The following LRGUK variants were observed in gnomAD, a reference collection of about 807,000 sequenced individuals.
LRGUK encodes the protein leucine rich repeats and guanylate kinase domain containing.
LRGUK carries 65 observed loss-of-function variants against 76.0 expected under a neutral mutation model. That is an observed-to-expected ratio of 0.85 (90% CI 0.70 to 1.05). The LOEUF (loss-of-function observed/expected upper bound fraction) is 1.05. Among genes scored for constraint, LRGUK ranks in the 50% least tolerant of loss-of-function variants. The probability of loss-of-function intolerance (pLI) is 0.00; values close to 1 mark genes in which losing one functional copy is unlikely to be tolerated. For missense variants in LRGUK, 758 were observed against 732.8 expected (o/e 1.03, Z -0.40); for synonymous variants, 268 against 265.6 (o/e 1.01, Z -0.09).
intron 16 of LRGUK, among the ~76,000 whole-genome samples, chr7:134,228,319 A>G (rs1801811741): frequency 6.6e-6 from 1 of 152,156 alleles, no homozygotes; most frequent in Non-Finnish European, 1.5e-5. Flanking sequence ...TGTCACAGGA[A>G]GCCTACATGA....
At chr7:134,228,669 T>A (rs1232614435) in intron 16 of LRGUK, among the ~76,000 whole-genome samples, 1 of 152,084 alleles carries the variant, frequency 6.6e-6, no homozygotes, top group Non-Finnish European at 1.5e-5. Context: ...AAATTAAAAA[T>A]GAAACTAAAT....
chr7:134,235,640 C>T (rs1397129488), intron 16 of LRGUK, among the ~76,000 whole-genome samples: 1 of 152,244 alleles, frequency 6.6e-6, no homozygotes, highest in East Asian at 1.9e-4. Flanking sequence ...ACTATAAATC[C>T]TCCAAAGGCA....
At chr7:134,161,424 T>A (rs1798727500) in intron 6 of LRGUK, among the ~76,000 whole-genome samples, 1 of 152,018 alleles carries the variant, frequency 6.6e-6, no homozygotes, top group Non-Finnish European at 1.5e-5. Flanking sequence ...TTTTTTTCTA[T>A]TTATTATGAT....
chr7:134,270,027 A>G, the LRGUK span, among the ~76,000 whole-genome samples: 3 of 152,222 alleles, frequency 2.0e-5, no homozygotes, highest in Admixed American at 1.3e-4. Flanking sequence ...CTCTCTGAGA[A>G]TAACAAGGCA....
At chr7:134,225,780 C>G (rs2117163535) in intron 16 of LRGUK, among the ~76,000 whole-genome samples, 1 of 152,276 alleles carries the variant, frequency 6.6e-6, no homozygotes, top group Admixed American at 6.5e-5. Flanking sequence ...AGGTTGTTAA[C>G]CTTTTGCACA....
intron 14 of LRGUK, 60 bp downstream of exon 14, chr7:134,199,481 G>T: frequency 1.4e-6 from 2 of 1,436,510 alleles, no homozygotes; most frequent in Non-Finnish European, 1.9e-6. Context: ...TTAAAAGTTT[G>T]TTTCATGGGG....
At chr7:134,233,549 C>T (rs1009552355) in intron 16 of LRGUK, among the ~76,000 whole-genome samples, 3 of 152,188 alleles carry the variant, frequency 2.0e-5, no homozygotes, top group African/African-American at 7.2e-5. Flanking sequence ...GTATTAGGCA[C>T]TTGCATCCAC....
chr7:134,268,852 C>T (rs1563205992), downstream of LRGUK, among the ~76,000 whole-genome samples: 1 of 125,214 alleles, frequency 8.0e-6, no homozygotes, highest in Non-Finnish European at 1.9e-5. Flanking sequence ...GCCTCAGCCT[C>T]CTGAGTAGCT....
intron 16 of LRGUK, among the ~76,000 whole-genome samples, chr7:134,241,849 A>AAT (rs1802163098): frequency 6.6e-6 from 1 of 152,224 alleles, no homozygotes; most frequent in African/African-American, 2.4e-5. Flanking sequence ...AATTATAACA[A>AAT]ACTGTCTCTC....
downstream of LRGUK, among the ~76,000 whole-genome samples, chr7:134,213,087 G>A (rs1248588286): frequency 6.6e-6 from 1 of 152,146 alleles, no homozygotes; most frequent in African/African-American, 2.4e-5. Context: ...AAGGAACCAC[G>A]TACGCCTAAG....
intron 16 of LRGUK, among the ~76,000 whole-genome samples, chr7:134,233,757 G>A (rs1801953868): frequency 6.6e-6 from 1 of 152,142 alleles, no homozygotes; most frequent in South Asian, 2.1e-4. Flanking sequence ...CCAGAGTCTT[G>A]CTCTGTCACC....
At chr7:134,255,197 C>T (rs1283838036) in intron 18 of LRGUK, among the ~76,000 whole-genome samples, 1 of 150,708 alleles carries the variant, frequency 6.6e-6, no homozygotes, top group Non-Finnish European at 1.5e-5. Context: ...AGTTTCCGTT[C>T]TGGGAATGTG....
At chr7:134,275,212 T>C in the LRGUK span, among the ~76,000 whole-genome samples, 1 of 152,174 alleles carries the variant, frequency 6.6e-6, no homozygotes, top group Non-Finnish European at 1.5e-5. Context: ...TCATCTCCAT[T>C]TTTTTCAAAT....
chr7:134,157,033 A>C (rs1003977207), intron 5 of LRGUK, among the ~76,000 whole-genome samples: 6 of 152,224 alleles, frequency 3.9e-5, no homozygotes, highest in Admixed American at 2.6e-4. Context: ...GATTGAGAAC[A>C]GAGAGAGCTG....
At chr7:134,138,137 G>A (rs1026633504) in intron 2 of LRGUK, among the ~76,000 whole-genome samples, 1 of 152,140 alleles carries the variant, frequency 6.6e-6, no homozygotes, top group Non-Finnish European at 1.5e-5. Flanking sequence ...TGTGTTTGAC[G>A]CTGGAATATG....
chr7:134,157,922 C>A, intron 5 of LRGUK, 113 bp from the exon 6 acceptor site: 2 of 772,028 alleles, frequency 2.6e-6, no homozygotes, highest in Non-Finnish European at 4.1e-6. Flanking sequence ...GGCATATAAT[C>A]GTTCTTTATT....
At chr7:134,151,576 C>G (rs1798226531) in intron 5 of LRGUK, among the ~76,000 whole-genome samples, 1 of 151,894 alleles carries the variant, frequency 6.6e-6, no homozygotes, top group Non-Finnish European at 1.5e-5. Context: ...CCAAGGAGCA[C>G]TAAGATAAAG....
chr7:134,148,104 A>T, intron 4 of LRGUK, 134 bp from the exon 5 acceptor site: 4 of 560,156 alleles, frequency 7.1e-6, no homozygotes, highest in Admixed American at 3.6e-5. Context: ...TGATTCTTTT[A>T]GCCTTAGTGT....
chr7:134,155,446 C>A (rs1370992102), intron 5 of LRGUK, among the ~76,000 whole-genome samples: 1 of 152,204 alleles, frequency 6.6e-6, no homozygotes, highest in African/African-American at 2.4e-5. Context: ...TGACCACAAA[C>A]AGAGCTATAC....
Sources: gnomAD v4.1 joint callset for allele counts (sites outside exome capture counted in the v4.1 genomes callset) on GRCh38, gnomAD v4.1.1 for gene constraint, MANE v1.5 for transcripts, NCBI Gene and HGNC (gene_info 2026-07-23, HGNC 2026-07-21) for gene names.